Variants in CTTNBP2 observed in about 807,000 individuals in gnomAD.
The protein encoded by CTTNBP2 is cortactin binding protein 2.
A neutral mutation model predicts 156.9 loss-of-function variants in CTTNBP2; 108 were observed. The ratio of observed to expected loss-of-function variants is 0.69; its 90% CI spans 0.59 to 0.81. The LOEUF is 0.81. Ranked by LOEUF, CTTNBP2 falls within the 30% of genes least tolerant of loss-of-function variation. CTTNBP2 has a pLI of 0.00. For missense variants in CTTNBP2, 1,924 were observed against 2,035.4 expected, an observed-to-expected ratio of 0.95 and a Z score of 1.05; for synonymous variants, 767 against 751.8, an observed-to-expected ratio of 1.02 and a Z score of -0.33.
chr7:117,784,555 G>A (rs1798609730), intron 4 of CTTNBP2, 101 bp from the exon 5 acceptor site: 1 of 765,944 alleles, frequency 1.3e-6, no homozygotes, highest in Non-Finnish European at 2.0e-6. Context: ...ATATGAACAT[G>A]TGTCCCTAGA....
chr7:117,834,167 G>A, intron 2 of CTTNBP2, among the ~76,000 whole-genome samples: 1 of 151,236 alleles, frequency 6.6e-6, no homozygotes, highest in East Asian at 2.0e-4. Flanking sequence ...CAATTCTCCT[G>A]TCTCAGTCTC....
intron 3 of CTTNBP2, among the ~76,000 whole-genome samples, chr7:117,806,744 A>ATTTTTT (rs3059529): frequency 8.4e-6 from 1 of 119,226 alleles, no homozygotes; most frequent in Non-Finnish European, 1.7e-5. Context: ...TCTTTTTCTC[A>ATTTTTT]TTTTTTTTTT....
intron 2 of CTTNBP2, among the ~76,000 whole-genome samples, chr7:117,855,463 C>A (rs1457316209): frequency 6.6e-6 from 1 of 152,134 alleles, no homozygotes; most frequent in African/African-American, 2.4e-5. Flanking sequence ...CTAGTATTAC[C>A]TCCTTAAAAC....
At chr7:117,715,097 TAAG>T (rs1331723814) in intron 22 of CTTNBP2, among the ~76,000 whole-genome samples, 1 of 152,102 alleles carries the variant, frequency 6.6e-6, no homozygotes, top group Admixed American at 6.6e-5. Context: ...TACTAGAAGC[TAAG>T]AAGATATTGT....
intron 4 of CTTNBP2, chr7:117,786,531 G>A (rs75801220): frequency 2.5e-4 from 90 of 355,054 alleles, no homozygotes; most frequent in East Asian, 1.7e-3. Context: ...ATAAAACCTC[G>A]ACTGCAAAGC....
chr7:117,749,460 G>T (rs778432549), intron 12 of CTTNBP2, among the ~76,000 whole-genome samples: 3 of 152,208 alleles, frequency 2.0e-5, no homozygotes, highest in Non-Finnish European at 2.9e-5. Context: ...GTCCCAGGAA[G>T]CACCACAGCC....
intron 9 of CTTNBP2, 74 bp downstream of exon 9, chr7:117,766,985 T>C: frequency 1.2e-6 from 1 of 842,596 alleles, no homozygotes; most frequent in Non-Finnish European, 2.1e-6. Flanking sequence ...AAGATGTAAA[T>C]AGTTTTTCCC....
At chr7:117,819,967 T>G (rs1485078803) in intron 2 of CTTNBP2, among the ~76,000 whole-genome samples, 1 of 152,244 alleles carries the variant, frequency 6.6e-6, no homozygotes, top group East Asian at 1.9e-4. Context: ...GCAGAATTCA[T>G]GAAAGGCTTG....
At chr7:117,793,064 C>T (rs1799123889) in intron 3 of CTTNBP2, among the ~76,000 whole-genome samples, 2 of 152,118 alleles carry the variant, frequency 1.3e-5, no homozygotes, top group South Asian at 4.1e-4. Context: ...TAACCAGATG[C>T]TTTAAATCAC....
At chr7:117,861,367 C>A (rs1207685186) in intron 1 of CTTNBP2, 51 bp from the exon 2 acceptor site, 1 of 1,235,016 alleles carries the variant, frequency 8.1e-7, no homozygotes, top group Non-Finnish European at 1.2e-6. Context: ...CTAAGGAAGA[C>A]ACACACATCC....
At chr7:117,813,820 A>G (rs972826298) in intron 2 of CTTNBP2, among the ~76,000 whole-genome samples, 4 of 152,220 alleles carry the variant, frequency 2.6e-5, no homozygotes, top group Non-Finnish European at 5.9e-5. Flanking sequence ...CTCTGCAGAG[A>G]AATGCTCTCT....
At chr7:117,828,523 T>C (rs968742681) in intron 2 of CTTNBP2, among the ~76,000 whole-genome samples, 2 of 152,184 alleles carry the variant, frequency 1.3e-5, no homozygotes, top group African/African-American at 4.8e-5. Context: ...TTTCAGATCA[T>C]GCTATTTTGT....
intron 1 of CTTNBP2, among the ~76,000 whole-genome samples, chr7:117,865,769 C>T (rs1291638575): frequency 1.3e-5 from 2 of 150,208 alleles, no homozygotes; most frequent in Non-Finnish European, 1.5e-5. Flanking sequence ...AAAAGCATTC[C>T]AGAAAAAGTG....
At chr7:117,788,198 C>T (rs755948510) in intron 4 of CTTNBP2, among the ~76,000 whole-genome samples, 66 of 152,258 alleles carry the variant, frequency 4.3e-4, no homozygotes, top group Non-Finnish European at 7.8e-4. Context: ...TGGTCTTGAA[C>T]GCCTGGGCAC....
chr7:117,777,397 A>G, intron 8 of CTTNBP2, 114 bp downstream of exon 8: 5 of 1,072,348 alleles, frequency 4.7e-6, no homozygotes, highest in Non-Finnish European at 6.8e-6. Context: ...AACATCTGCA[A>G]TTGTATCACT....
chr7:117,839,691 A>G (rs1016793451), intron 2 of CTTNBP2, among the ~76,000 whole-genome samples: 5 of 152,192 alleles, frequency 3.3e-5, no homozygotes, highest in Admixed American at 2.6e-4. Flanking sequence ...AGGAAACCAG[A>G]GCCCAGTTTT....
chr7:117,850,532 C>T (rs1049789636), intron 2 of CTTNBP2, among the ~76,000 whole-genome samples: 12 of 152,240 alleles, frequency 7.9e-5, no homozygotes, highest in Middle Eastern at 6.8e-3. Flanking sequence ...AAAGGAGACA[C>T]GGCAAAGCAG....
intron 20 of CTTNBP2, among the ~76,000 whole-genome samples, chr7:117,720,715 C>A (rs1794739466): frequency 6.6e-6 from 1 of 152,106 alleles, no homozygotes; most frequent in Admixed American, 6.6e-5. Flanking sequence ...AAAAGTCATA[C>A]TGTTTCTGTA....
intron 2 of CTTNBP2, among the ~76,000 whole-genome samples, chr7:117,819,907 G>A (rs1341721445): frequency 2.0e-5 from 3 of 152,184 alleles, no homozygotes; most frequent in Non-Finnish European, 4.4e-5. Context: ...AAATCTGGAA[G>A]GCATACTTCA....
Sources: allele counts gnomAD v4.1 joint callset (sites outside exome capture counted in the v4.1 genomes callset), GRCh38; gene constraint gnomAD v4.1.1; transcripts MANE v1.5; gene names NCBI Gene and HGNC (gene_info 2026-07-23, HGNC 2026-07-21).